The following SUMO2 variants were observed in gnomAD, a reference collection of about 807,000 sequenced individuals.
The protein encoded by SUMO2 is small ubiquitin like modifier 2.
Under a neutral mutation model 16.0 loss-of-function variants are expected in SUMO2, and 1 was observed. The observed-to-expected ratio is 0.06, with a 90% confidence interval of 0.02 to 0.30. The LOEUF is 0.30. Ranked by LOEUF, SUMO2 falls within the 10% of genes least tolerant of loss-of-function variation. The probability of loss-of-function intolerance (pLI) is 1.00; values close to 1 mark genes in which losing one functional copy is unlikely to be tolerated. For missense variants in SUMO2, 16 were observed against 117.5 expected (o/e 0.14, Z 3.99); for synonymous variants, 36 against 40.6 (o/e 0.89, Z 0.43).
intron 3 of SUMO2, among the ~76,000 whole-genome samples, chr17:75,174,413 G>A (rs1452385297): frequency 6.6e-6 from 1 of 150,910 alleles, no homozygotes; most frequent in Non-Finnish European, 1.5e-5. Context: ...CAAACCACTG[G>A]TGGGGTTGGG....
intron 2 of SUMO2, among the ~76,000 whole-genome samples, chr17:75,178,658 T>C (rs969399962): frequency 1.3e-5 from 2 of 152,146 alleles, no homozygotes; most frequent in African/African-American, 4.8e-5. Context: ...AGCCTAGACC[T>C]GCCAAGCTCA....
chr17:75,179,123 G>A (rs1040068102), intron 2 of SUMO2, among the ~76,000 whole-genome samples: 10 of 152,132 alleles, frequency 6.6e-5, no homozygotes, highest in Non-Finnish European at 5.9e-5. Context: ...AAATTCCCCT[G>A]TATCCTGAAG....
At chr17:75,180,990 G>C in intron 2 of SUMO2, 67 bp downstream of exon 2, 6 of 1,586,596 alleles carry the variant, frequency 3.8e-6, no homozygotes, top group Non-Finnish European at 5.2e-6. Context: ...TCTAGTTTTT[G>C]TTCCCATGAA....
chr17:75,172,344 G>A (rs915050538), intron 3 of SUMO2, among the ~76,000 whole-genome samples: 28 of 42,994 alleles, frequency 6.5e-4, no homozygotes, highest in Middle Eastern at 0.016. Context: ...TTTTTTTTTT[G>A]AGACAGGGGC....
chr17:75,178,160 T>C (rs1245887112), intron 2 of SUMO2, among the ~76,000 whole-genome samples: 1 of 145,258 alleles, frequency 6.9e-6, no homozygotes, highest in African/African-American at 2.6e-5. Context: ...CAAAAGCCTG[T>C]CTCAAAAAAA....
At chr17:75,170,309 C>T (rs1276202276) in intron 3 of SUMO2, among the ~76,000 whole-genome samples, 1 of 152,298 alleles carries the variant, frequency 6.6e-6, no homozygotes, top group South Asian at 2.1e-4. Context: ...CCGGGGCTCA[C>T]GCCTATAATC....
rs1321298747 is a variant in SUMO2 at position 75,181,147 on chromosome 17, C to T, written c.63G>A (p.Lys21=). The T allele has an allele frequency of 6.2e-7, 1 of 1,613,996 alleles. No individual in the cohort carries two copies. The highest frequency in any genetic ancestry group is 1.7e-5 in the Admixed American group (1 of 59,962). ...KTENNDHINL[K]VAGQDGSVVQ... The stretch of plus-strand genomic sequence containing the variant: ...CCACAGAACCATCCTGCCCCGCCAC[C>T]TTCAAATTAATATGATCGTTGTTCT... Residue 21 remains lysine, a synonymous_variant, in exon 2 of 4, where the codon AAG becomes AAA. Coordinates refer to ENST00000420826, the MANE Select transcript of SUMO2 (RefSeq NM_006937.4).
rs1354083393 is a variant in SUMO2 at position 75,182,863 on chromosome 17, G to A, written c.-29C>T. ...GAGCGCCGGAGTCTCCTCAGCTGCC[G>A]CTTCACAAAAGAGGTACCAGGTCCG... On this transcript the variant is annotated 5_prime_UTR_variant, in exon 1 of 4. Transcript: ENST00000420826. The A allele has an allele frequency of 2.0e-5, 28 of 1,387,604 alleles. No individual in the cohort carries two copies. The highest frequency in any genetic ancestry group is 2.4e-5 in the Non-Finnish European group (26 of 1,062,892). 86.0% of individuals were successfully genotyped at this position (1,387,604 alleles called of 1,614,324 possible).
rs1453744318 is a variant in SUMO2, at chr17:75,174,907, A to C, written c.154-84T>G. 3.4e-6 allele frequency: 4 copies of C among 1,193,618 alleles called. No homozygotes were observed. In the African/African-American group the frequency reaches 6.2e-5, roughly 18 times the overall value. 73.9% of individuals were successfully genotyped at this position (1,193,618 alleles called of 1,614,324 possible). ...AAAAGTACATGCATATTTAACCATG[A>C]ATATATTAAAGAAATACCTAAATAA... On this transcript the variant is annotated intron_variant, in intron 2 of 3. Coordinates refer to ENST00000420826, the MANE Select transcript of SUMO2 (RefSeq NM_006937.4).
intron 2 of SUMO2, among the ~76,000 whole-genome samples, chr17:75,175,448 T>G (rs1217478384): frequency 4.7e-5 from 7 of 148,962 alleles, no homozygotes; most frequent in Non-Finnish European, 8.9e-5. Flanking sequence ...AGCCTCCTGA[T>G]TAGCTGGGAC....
intron 2 of SUMO2, 57 bp from the exon 3 acceptor site, chr17:75,174,880 A>G (rs1437831297): frequency 9.0e-6 from 13 of 1,440,372 alleles, no homozygotes; most frequent in Non-Finnish European, 1.2e-5. Flanking sequence ...TTCTATTTAC[A>G]TAAAAGTACA....
chr17:75,179,664 T>G lies in SUMO2; in HGVS notation c.153+1393A>C, dbSNP rs578192625. On this transcript the variant is annotated intron_variant, in intron 2 of 3. Coordinates refer to ENST00000420826, the MANE Select transcript of SUMO2 (RefSeq NM_006937.4). ...AATACTTCAAACATTCTAAAGTTTTTTTTTTTTTTTCCTTTGAAATGCTCT... is the reference window on the plus strand; with the variant it reads ...AATACTTCAAACATTCTAAAGTTTTGTTTTTTTTTTCCTTTGAAATGCTCT... Among the ~76,000 whole-genome samples the G allele has an allele frequency of 4.7e-4, 71 of 152,130 alleles. No individual in the cohort carries two copies. In the South Asian group the frequency reaches 9.1e-3, roughly 20 times the overall value.
intron 1 of SUMO2, 109 bp from the exon 2 acceptor site, chr17:75,181,297 G>T (rs1248852246): frequency 1.7e-6 from 2 of 1,185,084 alleles, no homozygotes; most frequent in African/African-American, 1.5e-5. Flanking sequence ...TTCTCATACT[G>T]TATGCTAAAA....
In SUMO2 at chr17:75,174,052, A is replaced by G. The variant is rs2074762717; in HGVS notation, c.225+700T>C. ...GCTATTAGTTCCTTTTTGTTCATGA[A>G]GACACGTAAAAGAGAATTTCAATTC... On this transcript the variant is annotated intron_variant, in intron 3 of 3. Transcript: ENST00000420826. 2.0e-5 allele frequency among the ~76,000 whole-genome samples: 3 copies of G among 152,314 alleles called. 1 individual carries two copies. In the East Asian group the frequency reaches 5.8e-4, roughly 29 times the overall value.
intron 2 of SUMO2, among the ~76,000 whole-genome samples, chr17:75,179,850 G>A (rs914646357): frequency 1.3e-5 from 2 of 151,972 alleles, no homozygotes; most frequent in Non-Finnish European, 2.9e-5. Flanking sequence ...TAGTAGAAAT[G>A]GGATTTTGCC....
chr17:75,179,172 A>T (rs905287342), intron 2 of SUMO2, among the ~76,000 whole-genome samples: 2 of 152,156 alleles, frequency 1.3e-5, no homozygotes, highest in African/African-American at 4.8e-5. Context: ...CCAGTTTATA[A>T]ATTATTTAAC....
intron 2 of SUMO2, among the ~76,000 whole-genome samples, chr17:75,180,440 C>T (rs916489087): frequency 4.7e-5 from 6 of 128,698 alleles, no homozygotes; most frequent in Non-Finnish European, 7.9e-5. Flanking sequence ...TGGTTTGGCG[C>T]GGTGGCTCAT....
At chr17:75,178,798 T>C (rs2074804466) in intron 2 of SUMO2, among the ~76,000 whole-genome samples, 2 of 151,772 alleles carry the variant, frequency 1.3e-5, no homozygotes, top group South Asian at 4.2e-4. Flanking sequence ...ACCCAGCACT[T>C]TGGGAGGCTG....
At chr17:75,178,897 G>A (rs1335198886) in intron 2 of SUMO2, among the ~76,000 whole-genome samples, 1 of 152,218 alleles carries the variant, frequency 6.6e-6, no homozygotes, top group East Asian at 1.9e-4. Flanking sequence ...GGAGGATGCA[G>A]TGAGCCGAGA....
Sources: allele counts gnomAD v4.1 joint callset (sites outside exome capture counted in the v4.1 genomes callset), GRCh38; gene constraint gnomAD v4.1.1; transcripts MANE v1.5; gene names NCBI Gene and HGNC (gene_info 2026-07-23, HGNC 2026-07-21).